GXYLT1: variants seen among roughly 807,000 people sequenced by gnomAD.
The protein encoded by GXYLT1 is glucoside xylosyltransferase 1.
GXYLT1 carries 29 observed loss-of-function variants against 54.0 expected under a neutral mutation model. The observed-to-expected ratio is 0.54, with a 90% CI of 0.40 to 0.73. The LOEUF (loss-of-function observed/expected upper bound fraction) is 0.73. Among genes scored for constraint, GXYLT1 ranks in the 30% least tolerant of loss-of-function variants. GXYLT1 has a pLI of 0.00. For missense variants in GXYLT1, 490 were observed against 553.4 expected (o/e 0.89, Z 1.15); for synonymous variants, 176 against 204.1 (o/e 0.86, Z 1.17).
At position 42,109,584 on chromosome 12, in the gene GXYLT1, C is replaced by A. The variant is rs371165538; in HGVS notation, c.594G>T (p.Ser198=). ...AACTTACCGGCAAGAACAATCTCTGCGAAGCACATGGTTTAAAGAGTTTTT... is the reference window on the plus strand; with the variant it reads ...AACTTACCGGCAAGAACAATCTCTGAGAAGCACATGGTTTAAAGAGTTTTT... ...EWKKLFKPCA[S]QRLFLPLILK... The change falls in exon 4 of 8, where the codon TCG becomes TCT. Residue 198 remains serine (S), a synonymous_variant. Transcript: ENST00000398675. 9.6e-6 allele frequency: 15 copies of A among 1,563,272 alleles called. No homozygotes were observed. The Admixed American group carries it at 1.9e-4, about 20-fold the overall frequency.
At chr12:42,120,423 C>A (rs2065523771) in intron 2 of GXYLT1, among the ~76,000 whole-genome samples, 1 of 152,250 alleles carries the variant, frequency 6.6e-6, no homozygotes, top group Admixed American at 6.5e-5. Flanking sequence ...ACTTCTAACA[C>A]AGTGCAGCAG....
chr12:42,131,785 A>G (rs1347126008), intron 1 of GXYLT1, among the ~76,000 whole-genome samples: 1 of 152,236 alleles, frequency 6.6e-6, no homozygotes, highest in South Asian at 2.1e-4. Flanking sequence ...ATTGATGGTA[A>G]TAACAACTAA....
At chr12:42,135,357 A>C (rs941249458) in intron 1 of GXYLT1, among the ~76,000 whole-genome samples, 5 of 152,248 alleles carry the variant, frequency 3.3e-5, no homozygotes, top group Non-Finnish European at 5.9e-5. Context: ...GGGTTGTTAC[A>C]AAGCAAAGCA....
chr12:42,138,334 TA>T (rs1178991124), intron 1 of GXYLT1, among the ~76,000 whole-genome samples: 11 of 152,198 alleles, frequency 7.2e-5, no homozygotes, highest in African/African-American at 2.7e-4. Context: ...CTAGACAACT[TA>T]ACTTCTAGCT....
chr12:42,144,741 A>C lies in GXYLT1; in HGVS notation c.-95T>G. 3.2e-6 allele frequency: 3 copies of C among 950,536 alleles called. No individual in the cohort carries two copies. The highest frequency in any genetic ancestry group is 2.8e-6 in the Non-Finnish European group (2 of 716,510). 58.9% of individuals were successfully genotyped at this position (950,536 alleles called of 1,614,324 possible). A position where few individuals can be genotyped will look rare whatever the true frequency, so the allele number is the denominator to read the frequency against. On this transcript the variant is annotated 5_prime_UTR_variant, in exon 1 of 8. Coordinates refer to ENST00000398675, the MANE Select transcript of GXYLT1 (RefSeq NM_173601.2). ...GCACCGCGCAGCCGCGGGCGCAACA[A>C]GTTCCTCACCCGCAGCCGCCGCCGC...
Position 42,113,155 on chromosome 12 carries a change from C to T in GXYLT1, c.487-3464G>A, listed in dbSNP as rs373877553. Among the ~76,000 whole-genome samples, 5 of 150,984 alleles carry T rather than the reference C, an allele frequency of 3.3e-5. 1 individual carries two copies. The highest frequency in any genetic ancestry group is 7.4e-5 in the African/African-American group (3 of 40,332). ...AGCACTAAACATGGAAAGGAACAAC[C>T]GGTACCAGCCACAGCAAAATCATGC... On this transcript the variant is annotated intron_variant, in intron 3 of 7. Transcript: ENST00000398675.
At chr12:42,114,522 A>G (rs1023277312) in intron 3 of GXYLT1, among the ~76,000 whole-genome samples, 6 of 152,340 alleles carry the variant, frequency 3.9e-5, no homozygotes, top group Admixed American at 3.9e-4. Flanking sequence ...ATAAACTAGA[A>G]AATCTAGAAG....
chr12:42,088,002 T>G, intron 7 of GXYLT1, 55 bp from the exon 8 acceptor site: 2 of 779,588 alleles, frequency 2.6e-6, no homozygotes, highest in Non-Finnish European at 3.9e-6. Flanking sequence ...GGTACATATG[T>G]AAGTTCAATT....
chr12:42,087,744 G>A lies in GXYLT1; in HGVS notation c.*42C>T. 1 of 1,419,264 alleles carries A rather than the reference G, an allele frequency of 7.0e-7. No individual in the cohort carries two copies. The allele number at this position is 1,419,264 out of a possible 1,614,324, so 87.9% of individuals were successfully genotyped here. A position where few individuals can be genotyped will look rare whatever the true frequency, so the allele number is the denominator to read the frequency against. ...GACGATTCCTTCACACTTATCTTCT[G>A]ATTCTTTGTTTTCATCCATTTGATT... On this transcript the variant is annotated 3_prime_UTR_variant, in exon 8 of 8. Transcript: ENST00000398675.
At chr12:42,112,792 G>A (rs1424280512) in intron 3 of GXYLT1, among the ~76,000 whole-genome samples, 3 of 150,812 alleles carry the variant, frequency 2.0e-5, no homozygotes, top group Admixed American at 1.3e-4. Flanking sequence ...TACAGAGAAC[G>A]CCACAAAGAT....
chr12:42,098,472 C>T (rs993736668), intron 5 of GXYLT1, among the ~76,000 whole-genome samples: 4 of 151,722 alleles, frequency 2.6e-5, no homozygotes, highest in Non-Finnish European at 5.9e-5. Flanking sequence ...ATTTGCTTAA[C>T]TTCTATAATT....
intron 3 of GXYLT1, among the ~76,000 whole-genome samples, chr12:42,111,422 C>T (rs913167529): frequency 2.0e-5 from 3 of 152,218 alleles, no homozygotes; most frequent in African/African-American, 7.2e-5. Context: ...AATCGGGTCA[C>T]TCCCACCCTA....
intron 7 of GXYLT1, among the ~76,000 whole-genome samples, chr12:42,094,673 T>A (rs570007321): frequency 1.3e-5 from 2 of 150,666 alleles, no homozygotes; most frequent in African/African-American, 4.9e-5. Context: ...AAAAAAAAAA[T>A]TGATAAACTT....
chr12:42,088,491 G>A (rs573766188), intron 7 of GXYLT1, among the ~76,000 whole-genome samples: 9 of 152,210 alleles, frequency 5.9e-5, no homozygotes, highest in African/African-American at 2.2e-4. Context: ...CACTCTTCAT[G>A]GGGATTCAGA....
rs371944075 is a variant in GXYLT1, at chr12:42,116,339, C to A, written c.486+2661G>T. Among the ~76,000 whole-genome samples the A allele has an allele frequency of 2.3e-3, 344 of 152,154 alleles. 4 individuals are homozygous for A. Among genetic ancestry groups the A allele is most frequent in the African/African-American group, 5.7e-3 (238 of 41,516 alleles). Reference sequence around the variant, plus strand: ...AAAAGAAACTACCATCAGAGTGAACCGGCAACCTACAGAATGGGAGAAAAT... The same window carrying A: ...AAAAGAAACTACCATCAGAGTGAACAGGCAACCTACAGAATGGGAGAAAAT... On this transcript the variant is annotated intron_variant, in intron 3 of 7. Coordinates refer to ENST00000398675, the MANE Select transcript of GXYLT1 (RefSeq NM_173601.2).
At chr12:42,119,374 C>T (rs571778596) in intron 2 of GXYLT1, among the ~76,000 whole-genome samples, 77 of 151,572 alleles carry the variant, frequency 5.1e-4, no homozygotes, top group African/African-American at 1.7e-3. Context: ...TCACTATACT[C>T]CAGCCTGGGC....
At chr12:42,134,616 C>A (rs1052050873) in intron 1 of GXYLT1, among the ~76,000 whole-genome samples, 1 of 152,210 alleles carries the variant, frequency 6.6e-6, no homozygotes, top group East Asian at 1.9e-4. Context: ...CCATTTCCCT[C>A]CCTACTCAGA....
chr12:42,133,399 C>T (rs1292844087), intron 1 of GXYLT1, among the ~76,000 whole-genome samples: 1 of 152,118 alleles, frequency 6.6e-6, no homozygotes, highest in African/African-American at 2.4e-5. Flanking sequence ...ATGTCCAGGC[C>T]CTTCCCTTAA....
At chr12:42,101,692 C>T (rs2065391090) in intron 5 of GXYLT1, among the ~76,000 whole-genome samples, 1 of 152,098 alleles carries the variant, frequency 6.6e-6, no homozygotes, top group South Asian at 2.1e-4. Flanking sequence ...ATGCCTCAGG[C>T]TCCCGAGTAG....
Sources: gnomAD v4.1 joint callset for allele counts (sites outside exome capture counted in the v4.1 genomes callset) on GRCh38, gnomAD v4.1.1 for gene constraint, MANE v1.5 for transcripts, NCBI Gene and HGNC (gene_info 2026-07-23, HGNC 2026-07-21) for gene names.